The following CDH13 variants were observed in gnomAD, a reference collection of about 807,000 sequenced individuals.
CDH13 encodes the protein cadherin 13.
A neutral mutation model predicts 63.8 loss-of-function variants in CDH13; 24 were observed. The ratio of observed to expected loss-of-function variants is 0.38; its 90% CI spans 0.27 to 0.53. CDH13 has a LOEUF of 0.53. Among genes scored for constraint, CDH13 ranks in the 20% least tolerant of loss-of-function variants. The pLI is 0.85. For missense variants in CDH13, 1,049 were observed against 903.1 expected, an observed-to-expected ratio of 1.16 and a Z score of -2.07; for synonymous variants, 503 against 355.3, an observed-to-expected ratio of 1.42 and a Z score of -4.67.
chr16:82,730,260 C>T lies in CDH13; in HGVS notation c.45+103123C>T, dbSNP rs143570688. On this transcript the variant is annotated intron_variant, in intron 1 of 13. Coordinates refer to ENST00000567109, the MANE Select transcript of CDH13 (RefSeq NM_001257.5). ...GTCTTGGCTTTCAACATACTTTCCT[C>T]ACTAAGAAGCTTAATCATTCTAGCT... is the stretch of plus-strand genomic sequence containing the variant. Among the ~76,000 whole-genome samples the T allele has an allele frequency of 3.9e-5, 6 of 152,340 alleles. No homozygotes were observed. The East Asian group carries it at 1.2e-3, about 29-fold the overall frequency.
At chr16:83,559,947 C>T (rs2075673502) in intron 7 of CDH13, among the ~76,000 whole-genome samples, 2 of 152,104 alleles carry the variant, frequency 1.3e-5, no homozygotes, top group South Asian at 4.1e-4. Flanking sequence ...GGCCAATATA[C>T]ATGTTGGTTA....
At chr16:83,234,798 A>C (rs938938496) in intron 5 of CDH13, among the ~76,000 whole-genome samples, 5 of 152,230 alleles carry the variant, frequency 3.3e-5, no homozygotes, top group African/African-American at 1.2e-4. Flanking sequence ...TGAGCTTAGG[A>C]AAGTGTCTGG....
At chr16:83,182,716 C>T (rs1041495738) in intron 4 of CDH13, among the ~76,000 whole-genome samples, 6 of 152,140 alleles carry the variant, frequency 3.9e-5, no homozygotes, top group Non-Finnish European at 7.4e-5. Flanking sequence ...TTAATCTTCA[C>T]TTAGGACTAA....
At chr16:83,204,404 C>T (rs1243890459) in intron 4 of CDH13, among the ~76,000 whole-genome samples, 1 of 152,212 alleles carries the variant, frequency 6.6e-6, no homozygotes, top group African/African-American at 2.4e-5. Flanking sequence ...GTGCCGGAGT[C>T]AGTGTTCAGT....
At chr16:83,675,177 A>C (rs1914851605) in intron 9 of CDH13, among the ~76,000 whole-genome samples, 1 of 152,196 alleles carries the variant, frequency 6.6e-6, no homozygotes, top group African/African-American at 2.4e-5. Flanking sequence ...AAAGCACATT[A>C]GTAAGATTGT....
chr16:83,565,289 G>T (rs899989911), intron 7 of CDH13, among the ~76,000 whole-genome samples: 24 of 151,570 alleles, frequency 1.6e-4, no homozygotes, highest in Admixed American at 1.5e-3. Flanking sequence ...AGTTCTCGAA[G>T]CCCTCATCTG....
At chr16:83,625,392 C>T (rs913042467) in intron 8 of CDH13, among the ~76,000 whole-genome samples, 1 of 152,206 alleles carries the variant, frequency 6.6e-6, no homozygotes, top group Admixed American at 6.5e-5. Flanking sequence ...CCACCCTATA[C>T]AGTTGGAGGG....
chr16:83,116,284 A>G (rs903308039), intron 3 of CDH13, among the ~76,000 whole-genome samples: 1 of 152,166 alleles, frequency 6.6e-6, no homozygotes, highest in African/African-American at 2.4e-5. Flanking sequence ...AGGTGTTATC[A>G]GCATCCATAC....
At position 82,739,092 on chromosome 16, in the gene CDH13, T is replaced by C. The variant is rs115200078; in HGVS notation, c.45+111955T>C. ...CCTGGGAACTGTGCCCTGGTTATGA[T>C]TGAGATCTCATAGTCACTCATCATT... On this transcript the variant is annotated intron_variant, in intron 1 of 13. Coordinates refer to ENST00000567109, the MANE Select transcript of CDH13 (RefSeq NM_001257.5). 1.7e-3 allele frequency among the ~76,000 whole-genome samples: 257 copies of C among 152,360 alleles called. 1 individual carries two copies. The highest frequency in any genetic ancestry group is 5.8e-3 in the African/African-American group (240 of 41,588).
chr16:82,839,615 C>T (rs753521813), intron 1 of CDH13, among the ~76,000 whole-genome samples: 35 of 152,180 alleles, frequency 2.3e-4, no homozygotes, highest in Non-Finnish European at 1.6e-4. Flanking sequence ...TGGATAACGG[C>T]TTTGCTGGCC....
chr16:82,900,569 A>T (rs979516839), intron 2 of CDH13, among the ~76,000 whole-genome samples: 2 of 152,252 alleles, frequency 1.3e-5, no homozygotes, highest in Non-Finnish European at 2.9e-5. Context: ...TCCCCGAATA[A>T]ATAAGCCTTA....
Position 83,655,425 on chromosome 16 carries a change from C to T in CDH13, c.1102-15365C>T, listed in dbSNP as rs923737074. 2.6e-5 allele frequency among the ~76,000 whole-genome samples: 4 copies of T among 152,192 alleles called. No homozygotes were observed. The South Asian group carries it at 6.2e-4, about 24-fold the overall frequency. On this transcript the variant is annotated intron_variant, in intron 8 of 13. Coordinates refer to ENST00000567109, the MANE Select transcript of CDH13 (RefSeq NM_001257.5). The stretch of plus-strand genomic sequence containing the variant: ...AGCTGTTGAGTGACAAAGCCAGATC[C>T]TCTGAGGTGGGGCACTGAGCAGAGG...
chr16:83,021,079 C>T (rs1251375067), intron 2 of CDH13, among the ~76,000 whole-genome samples: 1 of 152,158 alleles, frequency 6.6e-6, no homozygotes, highest in Non-Finnish European at 1.5e-5. Context: ...AAGAAGGGAT[C>T]TCTGTAAATC....
At chr16:83,591,080 T>C (rs1190974670) in intron 7 of CDH13, among the ~76,000 whole-genome samples, 1 of 151,686 alleles carries the variant, frequency 6.6e-6, no homozygotes, top group Admixed American at 6.6e-5. Context: ...CCAGCTAATT[T>C]TTGTATGTTT....
chr16:82,965,578 C>G (rs773094966), intron 2 of CDH13, among the ~76,000 whole-genome samples: 2 of 152,178 alleles, frequency 1.3e-5, no homozygotes, highest in Non-Finnish European at 2.9e-5. Context: ...GCCACCCAAG[C>G]TGGAGTACAG....
At chr16:83,270,402 T>C (rs755593860) in intron 5 of CDH13, among the ~76,000 whole-genome samples, 3 of 152,214 alleles carry the variant, frequency 2.0e-5, no homozygotes, top group Non-Finnish European at 4.4e-5. Context: ...CGGTTTGTTT[T>C]TGGCATCTGA....
At chr16:83,767,429 G>A (rs1412399256) in intron 11 of CDH13, among the ~76,000 whole-genome samples, 1 of 152,326 alleles carries the variant, frequency 6.6e-6, no homozygotes, top group South Asian at 2.1e-4. Context: ...TGCCATGTAA[G>A]TTGTGACTTT....
At position 83,723,348 on chromosome 16, in the gene CDH13, C is replaced by G. The variant is rs371596086; in HGVS notation, c.1539-24760C>G. Among the ~76,000 whole-genome samples the G allele has an allele frequency of 2.6e-4, 39 of 152,352 alleles. No individual in the cohort carries two copies. The South Asian group carries it at 6.6e-3, about 26-fold the overall frequency. ...GGTTAGCACCTCTCTCCATGTCCCA[C>G]AGATACTAAAGGGCTGAGCCAAGAT... On this transcript the variant is annotated intron_variant, in intron 10 of 13. Transcript: ENST00000567109.
chr16:83,626,007 G>C lies in CDH13; in HGVS notation c.1101+23413G>C, dbSNP rs553839492. ...AGGTAAAACGTGAGGAAACAAGCTTGCTTCTTTTTTTTTTTTTTTTCAAAG... is the reference window on the plus strand; with the variant it reads ...AGGTAAAACGTGAGGAAACAAGCTTCCTTCTTTTTTTTTTTTTTTTCAAAG... On this transcript the variant is annotated intron_variant, in intron 8 of 13. Transcript: ENST00000567109. Among the ~76,000 whole-genome samples the C allele has an allele frequency of 4.7e-3, 691 of 146,980 alleles. 3 individuals are homozygous for C. Among genetic ancestry groups the C allele is most frequent in the African/African-American group, 0.014 (550 of 38,116 alleles).
Sources: gnomAD v4.1 joint callset for allele counts (sites outside exome capture counted in the v4.1 genomes callset) on GRCh38, gnomAD v4.1.1 for gene constraint, MANE v1.5 for transcripts, NCBI Gene and HGNC (gene_info 2026-07-23, HGNC 2026-07-21) for gene names.